The following NAV2 variants were observed in gnomAD, a reference collection of about 807,000 sequenced individuals.
NAV2 encodes the protein neuron navigator 2, also known as helicase, APC down-regulated 1.
A neutral mutation model predicts 223.2 loss-of-function variants in NAV2; 54 were observed. That is an observed-to-expected ratio of 0.24 (90% CI 0.19 to 0.30). NAV2 has a LOEUF of 0.30. Among genes scored for constraint, NAV2 ranks in the 10% least tolerant of loss-of-function variants. The pLI is 1.00. For synonymous variants in NAV2, 1,279 were observed against 1,239.3 expected, an observed-to-expected ratio of 1.03 and a Z score of -0.67; for missense variants, 2,806 against 3,147.5, an observed-to-expected ratio of 0.89 and a Z score of 2.60.
At chr11:20,013,474 C>CT (rs11357743) in intron 11 of NAV2, among the ~76,000 whole-genome samples, 58 of 148,746 alleles carry the variant, frequency 3.9e-4, no homozygotes, top group African/African-American at 1.4e-3. Flanking sequence ...CTTTGCCAAA[C>CT]TTTTTTTTTT....
intron 1 of NAV2, among the ~76,000 whole-genome samples, chr11:19,430,507 C>G (rs187592047): frequency 6.6e-6 from 1 of 152,232 alleles, no homozygotes; most frequent in African/African-American, 2.4e-5. Context: ...GAGTGAGCAG[C>G]AAGCCTAGCT....
intron 1 of NAV2, among the ~76,000 whole-genome samples, chr11:19,627,688 T>C (rs931120422): frequency 1.3e-5 from 2 of 152,038 alleles, no homozygotes; most frequent in Non-Finnish European, 2.9e-5. Context: ...AGGGGACATC[T>C]CAGAGCCGAA....
chr11:19,866,754 A>G (rs571254464), intron 3 of NAV2, among the ~76,000 whole-genome samples: 2 of 152,204 alleles, frequency 1.3e-5, no homozygotes, highest in East Asian at 1.9e-4. Context: ...ACTATTGCTG[A>G]AAAATCTTAA....
intron 29 of NAV2, among the ~76,000 whole-genome samples, chr11:20,093,604 G>A (rs554011880): frequency 1.8e-4 from 28 of 152,080 alleles, no homozygotes; most frequent in Non-Finnish European, 3.1e-4. Context: ...CAGTTTTATC[G>A]GTCATCAGTC....
intron 1 of NAV2, among the ~76,000 whole-genome samples, chr11:19,592,310 C>T (rs1292806322): frequency 6.6e-6 from 1 of 152,036 alleles, no homozygotes; most frequent in Admixed American, 6.6e-5. Context: ...CCTGGAATAC[C>T]CTTTCCTGCA....
chr11:19,422,055 A>G (rs1850637719), intron 1 of NAV2, among the ~76,000 whole-genome samples: 1 of 152,168 alleles, frequency 6.6e-6, no homozygotes, highest in African/African-American at 2.4e-5. Context: ...TTCAAGCCCA[A>G]GAGCCTGTCA....
rs543235920 is a variant in NAV2, at chr11:19,478,698, T to C, written c.75+127671T>C. Among the ~76,000 whole-genome samples, 20 of 152,356 alleles carry C rather than the reference T, an allele frequency of 1.3e-4. No individual in the cohort carries two copies. The South Asian group carries it at 2.7e-3, about 21-fold the overall frequency. ...AAAGCCTTCATCTTGCCTGCTATGC[T>C]AACCCCTATGCTGTGCATGTGTGCA... On this transcript the variant is annotated intron_variant, in intron 1 of 37. Coordinates refer to the NAV2 transcript ENST00000360655.
chr11:19,408,467 G>T (rs865844711), intron 1 of NAV2, among the ~76,000 whole-genome samples: 3 of 152,172 alleles, frequency 2.0e-5, no homozygotes, highest in African/African-American at 7.2e-5. Flanking sequence ...TTTTGTGTCT[G>T]CATCAAGGCA....
At chr11:19,622,858 A>C (rs577523521) in intron 1 of NAV2, among the ~76,000 whole-genome samples, 1 of 152,152 alleles carries the variant, frequency 6.6e-6, no homozygotes, top group African/African-American at 2.4e-5. Context: ...TCTTCCTAGC[A>C]TCGATGGTCT....
At chr11:19,541,424 A>T (rs2044338176) in intron 1 of NAV2, among the ~76,000 whole-genome samples, 1 of 152,240 alleles carries the variant, frequency 6.6e-6, no homozygotes, top group Non-Finnish European at 1.5e-5. Flanking sequence ...AGGAAGTGAG[A>T]GTTTTAATAT....
At chr11:19,832,664 T>A (rs1318741739) in intron 2 of NAV2, 63 bp downstream of exon 2, 6 of 1,297,130 alleles carry the variant, frequency 4.6e-6, no homozygotes, top group Admixed American at 1.7e-5. Flanking sequence ...AAGGCCGGGG[T>A]GAGGGGAACA....
At chr11:19,498,926 C>T (rs1233993499) in intron 1 of NAV2, among the ~76,000 whole-genome samples, 1 of 152,198 alleles carries the variant, frequency 6.6e-6, no homozygotes, top group African/African-American at 2.4e-5. Flanking sequence ...CAAGGTTTGT[C>T]CTCACTGAGT....
At chr11:20,062,268 A>T in intron 19 of NAV2, 39 bp from the exon 20 acceptor site, 1 of 1,526,194 alleles carries the variant, frequency 6.6e-7, no homozygotes, top group Middle Eastern at 1.7e-4. Flanking sequence ...GTTCCATAAC[A>T]GCCATCTATC....
At chr11:19,995,303 T>C (rs1187506254) in intron 11 of NAV2, among the ~76,000 whole-genome samples, 2 of 152,204 alleles carry the variant, frequency 1.3e-5, no homozygotes, top group African/African-American at 2.4e-5. Flanking sequence ...CTGTGAACTG[T>C]TTGTCTCTGA....
chr11:19,980,898 G>A (rs1234690437), intron 10 of NAV2, among the ~76,000 whole-genome samples: 1 of 152,090 alleles, frequency 6.6e-6, no homozygotes, highest in Non-Finnish European at 1.5e-5. Context: ...CTCTGTCTCT[G>A]GTGCTGTGCC....
intron 1 of NAV2, among the ~76,000 whole-genome samples, chr11:19,726,107 G>A (rs994263675): frequency 1.3e-5 from 2 of 152,194 alleles, no homozygotes; most frequent in Admixed American, 1.3e-4. Context: ...GGAAGGAGAG[G>A]AGATATATCA....
intron 1 of NAV2, among the ~76,000 whole-genome samples, chr11:19,649,031 C>G (rs1466056970): frequency 1.3e-5 from 2 of 152,108 alleles, no homozygotes; most frequent in Non-Finnish European, 2.9e-5. Flanking sequence ...TATTTTTTAT[C>G]CATAGAAATT....
At chr11:20,055,044 T>G (rs1295591103) in intron 18 of NAV2, among the ~76,000 whole-genome samples, 1 of 152,238 alleles carries the variant, frequency 6.6e-6, no homozygotes, top group Non-Finnish European at 1.5e-5. Context: ...GAAGGACTGA[T>G]AGAGGGTGAG....
chr11:19,647,559 A>G (rs2047852347), intron 1 of NAV2, among the ~76,000 whole-genome samples: 1 of 152,122 alleles, frequency 6.6e-6, no homozygotes, highest in Non-Finnish European at 1.5e-5. Flanking sequence ...GGAAGGCTCC[A>G]GGACATGTCA....
Sources: gnomAD v4.1 joint callset for allele counts (sites outside exome capture counted in the v4.1 genomes callset) on GRCh38, gnomAD v4.1.1 for gene constraint, MANE v1.5 for transcripts, NCBI Gene and HGNC (gene_info 2026-07-23, HGNC 2026-07-21) for gene names.